PLA2G10: variants seen among roughly 807,000 people sequenced by gnomAD.
PLA2G10 encodes group 10 secretory phospholipase A2.
PLA2G10 carries 9 observed loss-of-function variants against 7.9 expected under a neutral mutation model. The observed-to-expected ratio is 1.14, with a 90% CI of 0.68 to 1.98. PLA2G10 has a LOEUF of 1.98. Among genes scored for constraint, PLA2G10 ranks in the 30% most tolerant of loss-of-function variants. PLA2G10 has a pLI of 0.00. For missense variants in PLA2G10, 53 were observed against 65.4 expected (o/e 0.81, Z 0.66); for synonymous variants, 19 against 27.5 (o/e 0.69, Z 0.97).
chr16:14,679,987 C>T (rs541784831), intron 3 of PLA2G10, among the ~76,000 whole-genome samples: 8 of 152,224 alleles, frequency 5.3e-5, no homozygotes, highest in Admixed American at 2.0e-4. Flanking sequence ...ATATGATATA[C>T]GTGACCTCTT....
intron 3 of PLA2G10, among the ~76,000 whole-genome samples, chr16:14,673,097 G>GCAGCCT (rs898518482): frequency 7.6e-5 from 11 of 144,968 alleles, no homozygotes; most frequent in Non-Finnish European, 3.0e-5. Context: ...TCAGCTCACT[G>GCAGCCT]CAGCCTCCGC....
chr16:14,678,102 TATG>T (rs1212497134), intron 3 of PLA2G10, among the ~76,000 whole-genome samples: 1 of 151,944 alleles, frequency 6.6e-6, no homozygotes, highest in Non-Finnish European at 1.5e-5. Context: ...CTCAGAGAAA[TATG>T]ATGTAGTGGG....
intron 3 of PLA2G10, among the ~76,000 whole-genome samples, chr16:14,680,532 A>G (rs1960861512): frequency 1.3e-5 from 2 of 152,176 alleles, no homozygotes; most frequent in South Asian, 4.1e-4. Context: ...CTGGAACTAC[A>G]GGCATGCGCT....
At chr16:14,678,454 C>T (rs193102449) in intron 3 of PLA2G10, among the ~76,000 whole-genome samples, 1 of 152,290 alleles carries the variant, frequency 6.6e-6, no homozygotes, top group Admixed American at 6.5e-5. Flanking sequence ...TACCATATGG[C>T]AACCAGAGTA....
chr16:14,684,189 C>T (rs1163316969), intron 3 of PLA2G10, among the ~76,000 whole-genome samples: 1 of 150,844 alleles, frequency 6.6e-6, no homozygotes, highest in East Asian at 1.9e-4. Flanking sequence ...GAAACCCCGT[C>T]TCTACTAAAA....
At chr16:14,674,338 TC>T (rs1960668950) in intron 3 of PLA2G10, among the ~76,000 whole-genome samples, 1 of 152,146 alleles carries the variant, frequency 6.6e-6, no homozygotes, top group African/African-American at 2.4e-5. Context: ...TCAATGCAAT[TC>T]CTATCAAAAT....
At chr16:14,676,662 G>A (rs922017049) in intron 3 of PLA2G10, among the ~76,000 whole-genome samples, 9 of 152,160 alleles carry the variant, frequency 5.9e-5, no homozygotes, top group African/African-American at 1.2e-4. Flanking sequence ...CTGGGTGACA[G>A]AACAAGACTC....
At chr16:14,678,560 G>A (rs1269817768) in intron 3 of PLA2G10, 1 of 236,752 alleles carries the variant, frequency 4.2e-6, no homozygotes, top group East Asian at 1.6e-4. Context: ...CCCGAGGTCA[G>A]AAATTTTGAG....
chr16:14,672,863 C>T, intron 3 of PLA2G10, 114 bp from the exon 4 acceptor site: 1 of 950,746 alleles, frequency 1.1e-6, no homozygotes, highest in Non-Finnish European at 1.6e-6. Flanking sequence ...CACTTGACAG[C>T]CCACCACGTG....
intron 3 of PLA2G10, among the ~76,000 whole-genome samples, chr16:14,687,734 C>T (rs1267500119): frequency 0.027 from 4,038 of 149,612 alleles, 130 homozygotes; most frequent in Admixed American, 0.074. Context: ...CCATGCCTCA[C>T]GCCTGTAATC....
chr16:14,674,349 T>C (rs1178321137), intron 3 of PLA2G10, among the ~76,000 whole-genome samples: 1 of 152,132 alleles, frequency 6.6e-6, no homozygotes, highest in East Asian at 1.9e-4. Flanking sequence ...CCTATCAAAA[T>C]ACCAACATCA....
At chr16:14,677,083 C>T (rs1419649653) in intron 3 of PLA2G10, among the ~76,000 whole-genome samples, 1 of 152,126 alleles carries the variant, frequency 6.6e-6, no homozygotes, top group East Asian at 1.9e-4. Context: ...TAACCAAAAA[C>T]CACTTGTACC....
chr16:14,686,057 A>C (rs1288509487), intron 3 of PLA2G10, among the ~76,000 whole-genome samples: 1 of 145,928 alleles, frequency 6.9e-6, no homozygotes, highest in Non-Finnish European at 1.5e-5. Context: ...CAGTGGTGCA[A>C]TCTTGGCTCA....
intron 3 of PLA2G10, among the ~76,000 whole-genome samples, chr16:14,687,059 G>A (rs1042089606): frequency 5.3e-5 from 8 of 151,002 alleles, no homozygotes; most frequent in African/African-American, 1.9e-4. Context: ...AGTAAGCCAA[G>A]AACATGCCAT....
intron 3 of PLA2G10, among the ~76,000 whole-genome samples, chr16:14,687,215 C>T (rs1300097850): frequency 1.3e-5 from 2 of 151,758 alleles, no homozygotes; most frequent in African/African-American, 2.4e-5. Context: ...ATAAATACTA[C>T]AGTCCTTATG....
At chr16:14,675,182 A>C (rs1597005913) in intron 3 of PLA2G10, among the ~76,000 whole-genome samples, 1 of 152,088 alleles carries the variant, frequency 6.6e-6, no homozygotes, top group East Asian at 1.9e-4. Context: ...AAAAAAAAAA[A>C]AAAAACACTC....
chr16:14,672,791 A>G (rs1375366108), intron 3 of PLA2G10, 42 bp from the exon 4 acceptor site: 1 of 1,603,124 alleles, frequency 6.2e-7, no homozygotes, highest in Admixed American at 1.7e-5. Context: ...AGGGACCTGG[A>G]GAGACTCAAG....
intron 3 of PLA2G10, chr16:14,678,678 G>A (rs770433510): frequency 5.2e-6 from 2 of 386,794 alleles, no homozygotes; most frequent in Non-Finnish European, 1.0e-5. Context: ...GCTGAGGTGC[G>A]AGGATCGCTT....
rs747354625 is a variant in PLA2G10, at chr16:14,672,596, A to T, written c.*11T>A. The T allele has an allele frequency of 6.2e-7, 1 of 1,613,492 alleles. No homozygotes were observed. Among genetic ancestry groups the T allele is most frequent in the African/African-American group, 1.3e-5 (1 of 75,030 alleles). On this transcript the variant is annotated 3_prime_UTR_variant, in exon 4 of 4. Coordinates refer to ENST00000438167, the MANE Select transcript of PLA2G10 (RefSeq NM_003561.3). The stretch of plus-strand genomic sequence containing the variant: ...TTTCCTTGTGCAAAAGAGCATTTCA[A>T]GTCAAGGTAGTCAGTCACACTTGGG...
Sources: gnomAD v4.1 joint callset for allele counts (sites outside exome capture counted in the v4.1 genomes callset) on GRCh38, gnomAD v4.1.1 for gene constraint, MANE v1.5 for transcripts, NCBI Gene and HGNC (gene_info 2026-07-23, HGNC 2026-07-21) for gene names.